Variants in DCC observed in about 807,000 individuals in gnomAD.
DCC encodes the protein netrin receptor DCC.
A neutral mutation model predicts 172.5 loss-of-function variants in DCC; 58 were observed. The observed-to-expected ratio is 0.34, with a 90% CI of 0.27 to 0.42. DCC has a LOEUF of 0.42. Among genes scored for constraint, DCC ranks in the 10% least tolerant of loss-of-function variants. The pLI is 1.00. For missense variants in DCC, 1,740 were observed against 1,791.0 expected (o/e 0.97, Z 0.51); for synonymous variants, 709 against 644.5 (o/e 1.10, Z -1.52).
In DCC at chr18:52,406,684, G is replaced by A. The variant is rs1986664100; in HGVS notation, c.91+65806G>A. Reference sequence around the variant, plus strand: ...TCTTACTGTCTCTCTGTTACAACTTGTATGTTTGTAAATTTTATATGGAAT... The same window carrying A: ...TCTTACTGTCTCTCTGTTACAACTTATATGTTTGTAAATTTTATATGGAAT... On this transcript the variant is annotated intron_variant, in intron 1 of 28. Transcript: ENST00000442544. Among the ~76,000 whole-genome samples the A allele has an allele frequency of 1.3e-5, 2 of 151,962 alleles. 1 individual carries two copies. The highest frequency in any genetic ancestry group is 4.1e-4 in the South Asian group (2 of 4,820).
At chr18:53,205,151 T>C in intron 9 of DCC, 65 bp from the exon 10 acceptor site, 4 of 1,312,030 alleles carry the variant, frequency 3.0e-6, no homozygotes, top group Non-Finnish European at 4.4e-6. Flanking sequence ...TTTTGTTTGT[T>C]TTGAGAACAA....
rs761717220 is a variant in DCC, at chr18:53,467,959, G to A, written c.3685G>A (p.Ala1229Thr). The A allele has an allele frequency of 4.3e-5, 70 of 1,612,570 alleles. No individual in the cohort carries two copies. Among genetic ancestry groups the A allele is most frequent in the Non-Finnish European group, 5.7e-5 (67 of 1,178,932 alleles). ...GGAGAGGTCGCTGGCTGCACGCCGA[G>A]CCCCCCGGGCCAAGCTCATGATTCC... ...TLERSLAARRAPRAKLMIPMD... is the reference protein window; with the variant it reads ...TLERSLAARRTPRAKLMIPMD... Residue 1229 changes from alanine to threonine, a missense_variant, in exon 25 of 29, where the codon GCC (alanine) becomes ACC (threonine). By Grantham distance (58) the Ala-to-Thr change is moderately conservative (BLOSUM62 0). This residue lies in a region of DCC where 1,732 missense variants were observed against 1,767.4 expected (regional missense o/e 0.98). Coordinates refer to ENST00000442544, the MANE Select transcript of DCC (RefSeq NM_005215.4).
rs759209714 is a variant in DCC, at chr18:52,692,587, A to G, written c.92-59467A>G. 2.2e-4 allele frequency among the ~76,000 whole-genome samples: 34 copies of G among 152,118 alleles called. No homozygotes were observed. In the Middle Eastern group the frequency reaches 0.014, roughly 61 times the overall value. ...GCTGGGATTACAGGTGTGCACCACC[A>G]TGCCCAGTTAATTTTTTGTATTTTA... On this transcript the variant is annotated intron_variant, in intron 1 of 28. Transcript: ENST00000442544.
At chr18:52,894,445 T>C (rs2039699040) in intron 2 of DCC, among the ~76,000 whole-genome samples, 1 of 150,350 alleles carries the variant, frequency 6.7e-6, no homozygotes, top group South Asian at 2.1e-4. Context: ...TAAGTATGTA[T>C]TTATATTATT....
intron 12 of DCC, among the ~76,000 whole-genome samples, chr18:53,222,770 G>T (rs2055962750): frequency 6.6e-6 from 1 of 151,996 alleles, no homozygotes; most frequent in Non-Finnish European, 1.5e-5. Flanking sequence ...GATATTAAAG[G>T]CTATGAGAAG....
intron 5 of DCC, among the ~76,000 whole-genome samples, chr18:53,046,811 A>T (rs2042244808): frequency 6.6e-6 from 1 of 151,922 alleles, no homozygotes; most frequent in Non-Finnish European, 1.5e-5. Context: ...TGGACCTTCT[A>T]GATCTTCAAA....
At chr18:53,206,226 CAT>C (rs200427365) in intron 10 of DCC, among the ~76,000 whole-genome samples, 1,076 of 34,882 alleles carry the variant, frequency 0.031, 11 homozygotes, top group Middle Eastern at 0.079. Context: ...TGTATATATA[CAT>C]ATATGTGTTA....
At chr18:52,710,720 C>G (rs2036279386) in intron 1 of DCC, among the ~76,000 whole-genome samples, 1 of 152,172 alleles carries the variant, frequency 6.6e-6, no homozygotes, top group Non-Finnish European at 1.5e-5. Context: ...TATTTAATAA[C>G]ATAAATCCCA....
At chr18:52,990,441 G>A (rs1278035737) in intron 5 of DCC, among the ~76,000 whole-genome samples, 1 of 150,770 alleles carries the variant, frequency 6.6e-6, no homozygotes, top group East Asian at 2.0e-4. Context: ...TTGGGAGGCT[G>A]AGGCAGGAGA....
chr18:53,463,490 A>C (rs540224528), intron 24 of DCC, among the ~76,000 whole-genome samples: 64 of 152,302 alleles, frequency 4.2e-4, no homozygotes, highest in African/African-American at 1.5e-3. Flanking sequence ...GAACAGCATT[A>C]CCAAGAAACA....
At chr18:53,404,749 TAAAA>T (rs558346223) in intron 19 of DCC, among the ~76,000 whole-genome samples, 88 of 138,316 alleles carry the variant, frequency 6.4e-4, no homozygotes, top group African/African-American at 2.2e-3. Context: ...AAAAATAAAA[TAAAA>T]AATTAAAAAA....
intron 12 of DCC, among the ~76,000 whole-genome samples, chr18:53,243,140 T>C (rs553805702): frequency 1.3e-5 from 2 of 152,286 alleles, no homozygotes; most frequent in East Asian, 1.9e-4. Flanking sequence ...TTTTGGTTTA[T>C]GTGGCATAGA....
intron 5 of DCC, among the ~76,000 whole-genome samples, chr18:53,027,865 G>A (rs1189543992): frequency 5.3e-5 from 8 of 151,960 alleles, no homozygotes; most frequent in Admixed American, 1.3e-4. Context: ...TCTGGCCAAG[G>A]GGAGACAGTG....
chr18:52,956,374 A>G (rs2040743442), intron 5 of DCC, among the ~76,000 whole-genome samples: 2 of 152,188 alleles, frequency 1.3e-5, no homozygotes, highest in Admixed American at 1.3e-4. Flanking sequence ...GACTACATTT[A>G]TTAACTATAT....
At chr18:53,270,083 T>A (rs2056731288) in intron 12 of DCC, among the ~76,000 whole-genome samples, 1 of 152,050 alleles carries the variant, frequency 6.6e-6, no homozygotes, top group South Asian at 2.1e-4. Flanking sequence ...GAGGGACAGG[T>A]AGTTATGCAA....
intron 2 of DCC, among the ~76,000 whole-genome samples, chr18:52,855,394 C>A (rs7228307): frequency 6.6e-6 from 1 of 152,082 alleles, no homozygotes; most frequent in Non-Finnish European, 1.5e-5. Flanking sequence ...GTAAACAAAA[C>A]GTCTTAGGTT....
intron 24 of DCC, among the ~76,000 whole-genome samples, chr18:53,465,716 A>G (rs983409771): frequency 6.6e-6 from 1 of 152,042 alleles, no homozygotes; most frequent in African/African-American, 2.4e-5. Flanking sequence ...TTTGGACACT[A>G]TAATTTTTCC....
chr18:53,407,576 A>C (rs1231525847), intron 19 of DCC, among the ~76,000 whole-genome samples: 2 of 130,688 alleles, frequency 1.5e-5, no homozygotes, highest in South Asian at 2.6e-4. Context: ...CTCTCTCTCT[A>C]TATATATGTT....
intron 28 of DCC, chr18:53,527,076 T>C: frequency 1.1e-5 from 4 of 361,836 alleles, no homozygotes; most frequent in South Asian, 9.5e-5. Context: ...ATACACATGA[T>C]ATACACATGG....
Sources: gnomAD v4.1 joint callset for allele counts (sites outside exome capture counted in the v4.1 genomes callset) on GRCh38, gnomAD v4.1.1 for gene constraint, gnomAD v4.1.1 regional missense constraint, MANE v1.5 for transcripts, NCBI Gene and HGNC (gene_info 2026-07-23, HGNC 2026-07-21) for gene names.